Variants in L3MBTL4 observed in about 807,000 individuals in gnomAD.
L3MBTL4 encodes the protein lethal(3)malignant brain tumor-like protein 4.
Under a neutral mutation model 84.5 loss-of-function variants are expected in L3MBTL4, and 70 were observed. The observed-to-expected ratio is 0.83, with a 90% CI of 0.68 to 1.01. The LOEUF is 1.01. Ranked by LOEUF, L3MBTL4 falls within the 50% of genes least tolerant of loss-of-function variation. The pLI, the probability that L3MBTL4 is intolerant of heterozygous loss-of-function variation, is 0.00. For synonymous variants in L3MBTL4, 274 were observed against 259.8 expected (o/e 1.05, Z -0.52); for missense variants, 715 against 754.8 (o/e 0.95, Z 0.62).
chr18:6,224,433 C>T (rs986438919), intron 10 of L3MBTL4, among the ~76,000 whole-genome samples: 33 of 152,182 alleles, frequency 2.2e-4, no homozygotes, highest in Non-Finnish European at 4.6e-4. Context: ...GTAGACCCCA[C>T]GAAGTCATCT....
intron 14 of L3MBTL4, among the ~76,000 whole-genome samples, chr18:6,111,194 T>C (rs1375090309): frequency 6.6e-6 from 1 of 151,914 alleles, no homozygotes; most frequent in Non-Finnish European, 1.5e-5. Flanking sequence ...GGAGTGAAAA[T>C]GAAAGGAAGA....
intron 16 of L3MBTL4, among the ~76,000 whole-genome samples, chr18:6,069,551 G>T (rs2057511510): frequency 6.6e-6 from 1 of 152,160 alleles, no homozygotes; most frequent in African/African-American, 2.4e-5. Flanking sequence ...GGGTTAGGCG[G>T]GTCTGTGCTC....
intron 14 of L3MBTL4, among the ~76,000 whole-genome samples, chr18:6,110,451 G>A (rs1204093473): frequency 1.3e-5 from 2 of 151,960 alleles, no homozygotes; most frequent in African/African-American, 4.8e-5. Flanking sequence ...ACATGTGTAT[G>A]TGGGGGGTTG....
intron 14 of L3MBTL4, among the ~76,000 whole-genome samples, chr18:6,121,724 G>GTATA (rs1555660812): frequency 6.8e-6 from 1 of 146,882 alleles, no homozygotes; most frequent in African/African-American, 2.5e-5. Flanking sequence ...GTGTGTATGT[G>GTATA]TGTGTGCATG....
intron 13 of L3MBTL4, among the ~76,000 whole-genome samples, chr18:6,139,552 A>C (rs1185597888): frequency 1.3e-5 from 2 of 151,786 alleles, no homozygotes; most frequent in Non-Finnish European, 2.9e-5. Flanking sequence ...CACACATATC[A>C]GTTCCTGGAA....
chr18:6,220,988 C>G (rs968271869), intron 10 of L3MBTL4, among the ~76,000 whole-genome samples: 1 of 152,110 alleles, frequency 6.6e-6, no homozygotes, highest in East Asian at 1.9e-4. Flanking sequence ...GCCGTCTGAT[C>G]TGTGGCATCT....
chr18:6,072,698 A>T (rs1598643954), intron 16 of L3MBTL4, among the ~76,000 whole-genome samples: 1 of 59,470 alleles, frequency 1.7e-5, no homozygotes, highest in African/African-American at 7.5e-5. Flanking sequence ...ACACACACAC[A>T]AAAAAAAATT....
chr18:5,960,866 C>G (rs2095259874), intron 17 of L3MBTL4: 1 of 152,232 alleles, frequency 6.6e-6, no homozygotes, highest in Admixed American at 6.5e-5. Flanking sequence ...AGAGCTCAGG[C>G]AAAGATCTGG....
chr18:6,021,249 G>A (rs543869751), intron 16 of L3MBTL4, among the ~76,000 whole-genome samples: 4 of 152,322 alleles, frequency 2.6e-5, no homozygotes, highest in East Asian at 3.9e-4. Flanking sequence ...GGCTGAGGGC[G>A]GGGAGGAGCT....
chr18:5,959,593 A>G (rs1294966095), intron 18 of L3MBTL4, among the ~76,000 whole-genome samples: 1 of 152,190 alleles, frequency 6.6e-6, no homozygotes, highest in Non-Finnish European at 1.5e-5. Context: ...AAGCAAATGC[A>G]GGGCAGGGAT....
intron 14 of L3MBTL4, among the ~76,000 whole-genome samples, chr18:6,113,974 C>T (rs1026661265): frequency 2.0e-5 from 3 of 152,316 alleles, no homozygotes; most frequent in South Asian, 4.1e-4. Context: ...CCTTCCCTCT[C>T]GTCCTTCCTC....
intron 14 of L3MBTL4, among the ~76,000 whole-genome samples, chr18:6,136,249 G>T (rs761364222): frequency 6.6e-6 from 1 of 152,102 alleles, no homozygotes; most frequent in African/African-American, 2.4e-5. Flanking sequence ...CCATATCACA[G>T]CCCCTCCCAA....
intron 5 of L3MBTL4, among the ~76,000 whole-genome samples, chr18:6,253,367 C>G (rs767219476): frequency 1.3e-5 from 2 of 152,190 alleles, no homozygotes; most frequent in Non-Finnish European, 2.9e-5. Context: ...GCACTTAACT[C>G]CCAAGTTCTA....
chr18:6,322,457 GGAAGGAAGGAAGGAAGGAAGGAA>G, intron 1 of L3MBTL4, among the ~76,000 whole-genome samples: 1 of 30,924 alleles, frequency 3.2e-5, no homozygotes, highest in Non-Finnish European at 7.9e-5. Flanking sequence ...AAGGAAGGAT[GGAAGGAAGGAAGGAAGGAAGGAA>G]GGAAGGAAGG....
intron 1 of L3MBTL4, among the ~76,000 whole-genome samples, chr18:6,312,917 C>G (rs1003870174): frequency 6.6e-5 from 10 of 152,142 alleles, no homozygotes; most frequent in African/African-American, 2.4e-4. Flanking sequence ...GTCCCTCAAC[C>G]TCTGAACACC....
chr18:6,140,617 C>T (rs1187777541), intron 13 of L3MBTL4, among the ~76,000 whole-genome samples: 2 of 152,012 alleles, frequency 1.3e-5, no homozygotes, highest in African/African-American at 2.4e-5. Context: ...GACGCACTTT[C>T]CCCTCTCCAA....
intron 15 of L3MBTL4, among the ~76,000 whole-genome samples, chr18:6,091,876 C>T (rs1255512866): frequency 6.6e-6 from 1 of 152,146 alleles, no homozygotes; most frequent in Non-Finnish European, 1.5e-5. Context: ...AACGGATGTA[C>T]TGGTCTCTAT....
intron 12 of L3MBTL4, among the ~76,000 whole-genome samples, chr18:6,208,395 T>C (rs1351451161): frequency 6.6e-6 from 1 of 152,218 alleles, no homozygotes; most frequent in East Asian, 1.9e-4. Context: ...CTAATTTCAT[T>C]GTGAAATGCC....
At chr18:6,413,606 T>C (rs1779078827) in intron 1 of L3MBTL4, among the ~76,000 whole-genome samples, 1 of 152,168 alleles carries the variant, frequency 6.6e-6, no homozygotes, top group Admixed American at 6.5e-5. Flanking sequence ...ACTACACTTA[T>C]TTCAGCCAAG....
Sources: allele counts gnomAD v4.1 joint callset (sites outside exome capture counted in the v4.1 genomes callset), GRCh38; gene constraint gnomAD v4.1.1; transcripts MANE v1.5; gene names NCBI Gene and HGNC (gene_info 2026-07-23, HGNC 2026-07-21).